APOBEC3F: variants seen among roughly 807,000 people sequenced by gnomAD.
APOBEC3F encodes DNA dC->dU-editing enzyme APOBEC-3F.
In APOBEC3F, 34 loss-of-function variants were observed where a neutral mutation model predicts 45.8. The ratio of observed to expected loss-of-function variants is 0.74; its 90% CI spans 0.57 to 0.99. The LOEUF is 0.99. Ranked by LOEUF, APOBEC3F falls within the 50% of genes least tolerant of loss-of-function variation. The probability of loss-of-function intolerance (pLI) is 0.00; values close to 1 mark genes in which losing one functional copy is unlikely to be tolerated. For synonymous variants in APOBEC3F, 192 were observed against 174.4 expected, an observed-to-expected ratio of 1.10 and a Z score of -0.80; for missense variants, 459 against 474.1, an observed-to-expected ratio of 0.97 and a Z score of 0.30.
rs1314130575 is a variant in APOBEC3F, at chr22:39,040,950, G to A, written c.-11G>A. 1.9e-6 allele frequency: 3 copies of A among 1,576,952 alleles called. No homozygotes were observed. Among genetic ancestry groups the A allele is most frequent in the East Asian group, 4.6e-5 (2 of 43,354 alleles). ...CAGACAAAGATCTTAGTCGGGACTA[G>A]CCGGCCAAGGATGAAGCCTCACTTC... is the stretch of plus-strand genomic sequence containing the variant. On this transcript the variant is annotated 5_prime_UTR_variant, in exon 1 of 7. Transcript: ENST00000308521.
In APOBEC3F at chr22:39,044,949, C is replaced by A; in HGVS notation, c.180C>A (p.Ser60=). The A allele has an allele frequency of 6.2e-7, 1 of 1,613,980 alleles. No homozygotes were observed. The highest frequency in any genetic ancestry group is 8.5e-7 in the Non-Finnish European group (1 of 1,179,936). Residue 60 remains serine (S), a synonymous_variant, in exon 3 of 7, where the codon TCC becomes TCA. Transcript: ENST00000308521. ...DAKIFRGQVY[S]QPEHHAEMCF... ...CCCTGCTCCTCTCCCAGGTGTATTC[C>A]CAGCCTGAGCACCACGCAGAAATGT...
At chr22:39,047,244 C>T (rs1216646697) in intron 4 of APOBEC3F, among the ~76,000 whole-genome samples, 2 of 152,120 alleles carry the variant, frequency 1.3e-5, no homozygotes, top group East Asian at 1.9e-4. Flanking sequence ...CCTCACTCTC[C>T]CTCCCTACCA....
At chr22:39,049,891 CG>C (rs1415534304) in intron 5 of APOBEC3F, among the ~76,000 whole-genome samples, 2 of 151,586 alleles carry the variant, frequency 1.3e-5, no homozygotes, top group Non-Finnish European at 2.9e-5. Flanking sequence ...TTAGTAGAGA[CG>C]GGGTTTCACC....
At chr22:39,043,597 A>G (rs1386407060) in intron 2 of APOBEC3F, among the ~76,000 whole-genome samples, 1 of 150,926 alleles carries the variant, frequency 6.6e-6, no homozygotes, top group African/African-American at 2.4e-5. Flanking sequence ...GGTGTGAGCC[A>G]CAGCGCCGGC....
At chr22:39,042,556 C>A (rs953385080) in intron 1 of APOBEC3F, among the ~76,000 whole-genome samples, 16 of 152,142 alleles carry the variant, frequency 1.1e-4, no homozygotes, top group Non-Finnish European at 2.1e-4. Context: ...AAGTGATGGG[C>A]CTACCTCGGC....
Position 39,052,803 on chromosome 22 carries a change from C to T in APOBEC3F, c.*108C>T. On this transcript the variant is annotated 3_prime_UTR_variant, in exon 7 of 7. Coordinates refer to ENST00000308521, the MANE Select transcript of APOBEC3F (RefSeq NM_145298.6). ...GTGCTTTTGCCTGGTCATCCTGAGC[C>T]CCTCCTGGCCTCAGGGCCATTCCAT... 9 of 1,513,798 alleles carry T rather than the reference C, an allele frequency of 5.9e-6. No homozygotes were observed. In the South Asian group the frequency reaches 1.1e-4, roughly 18 times the overall value. 93.8% of individuals were successfully genotyped at this position (1,513,798 alleles called of 1,614,324 possible).
intron 5 of APOBEC3F, 151 bp from the exon 6 acceptor site, chr22:39,051,923 C>T: frequency 2.4e-6 from 3 of 1,244,994 alleles, no homozygotes; most frequent in Non-Finnish European, 3.4e-6. Context: ...CCACTGCACC[C>T]CAGCCTGGGC....
intron 5 of APOBEC3F, among the ~76,000 whole-genome samples, chr22:39,050,443 G>A (rs1426788592): frequency 1.3e-4 from 18 of 141,004 alleles, no homozygotes; most frequent in Admixed American, 5.0e-4. Context: ...GGAGGGAGCC[G>A]TCTGTGTGCT....
At chr22:39,047,216 G>C (rs1157664801) in intron 4 of APOBEC3F, among the ~76,000 whole-genome samples, 3 of 152,122 alleles carry the variant, frequency 2.0e-5, no homozygotes, top group Non-Finnish European at 4.4e-5. Flanking sequence ...GAAGGCAAGG[G>C]GGAAGCAGAC....
intron 1 of APOBEC3F, among the ~76,000 whole-genome samples, chr22:39,041,498 G>A (rs1926889975): frequency 6.6e-6 from 1 of 152,102 alleles, no homozygotes; most frequent in Non-Finnish European, 1.5e-5. Context: ...GGCAGAGGAG[G>A]ATGCAGATGA....
At chr22:39,044,854 G>A (rs952699059) in intron 2 of APOBEC3F, 87 bp from the exon 3 acceptor site, 1 of 1,271,602 alleles carries the variant, frequency 7.9e-7, no homozygotes, top group Admixed American at 2.4e-5. Context: ...CTGGGCTCCT[G>A]TCCTGGCCCC....
chr22:39,048,899 C>G (rs1210356394), intron 4 of APOBEC3F, among the ~76,000 whole-genome samples: 1 of 152,050 alleles, frequency 6.6e-6, no homozygotes, highest in African/African-American at 2.4e-5. Context: ...GCAGGAGAAT[C>G]ACTTCAACCC....
chr22:39,052,865 C>A lies in APOBEC3F; in HGVS notation c.*170C>A. On this transcript the variant is annotated 3_prime_UTR_variant, in exon 7 of 7. Coordinates refer to ENST00000308521, the MANE Select transcript of APOBEC3F (RefSeq NM_145298.6). ...GCCTCACCACCTCCTCTCCGCTCTC[C>A]CAGGCTCTTCCTGCAGAGGCCTCTT... The A allele has an allele frequency of 7.1e-7, 1 of 1,404,542 alleles. No individual in the cohort carries two copies. Among genetic ancestry groups the A allele is most frequent in the Non-Finnish European group, 9.3e-7 (1 of 1,079,552 alleles). 87.0% of individuals were successfully genotyped at this position (1,404,542 alleles called of 1,614,324 possible).
At chr22:39,049,308 C>T (rs1927368355) in intron 4 of APOBEC3F, 117 bp from the exon 5 acceptor site, 1 of 1,260,956 alleles carries the variant, frequency 7.9e-7, no homozygotes, top group Admixed American at 2.2e-5. Flanking sequence ...CCCAGTCTTT[C>T]TGCCTGGGAA....
rs1927180337 is a variant in APOBEC3F, at chr22:39,045,636, C to G, written c.566+94C>G. 4 of 1,583,600 alleles carry G rather than the reference C, an allele frequency of 2.5e-6. No individual in the cohort carries two copies. In the South Asian group the frequency reaches 4.6e-5, roughly 18 times the overall value. The stretch of plus-strand genomic sequence containing the variant: ...CTGGCCAGGCCCTCCTGCCCTCCGT[C>G]CTGCCCCCTGCCTGCCCTCATGGTT... On this transcript the variant is annotated intron_variant, in intron 4 of 6. Transcript: ENST00000308521.
intron 4 of APOBEC3F, among the ~76,000 whole-genome samples, chr22:39,047,391 C>G (rs917384572): frequency 2.6e-5 from 4 of 152,120 alleles, no homozygotes; most frequent in African/African-American, 9.7e-5. Context: ...TGAGGTCACT[C>G]ACAGCGCAGG....
In APOBEC3F at chr22:39,045,521, G is replaced by T. The variant is rs371538178; in HGVS notation, c.545G>T (p.Arg182Leu). The change falls in exon 4 of 7, where the codon CGC becomes CTC. Residue 182 changes from arginine to leucine, a missense_variant. Coordinates refer to ENST00000308521, the MANE Select transcript of APOBEC3F (RefSeq NM_145298.6). ...KFDDNYAFLH[R>L]TLKEILRNPM... ...GATGACAATTATGCATTCCTGCACC[G>T]CACGCTAAAGGAGATTCTCAGGTGA... 2 of 1,614,112 alleles carry T rather than the reference G, an allele frequency of 1.2e-6. No homozygotes were observed. The highest frequency in any genetic ancestry group is 1.3e-5 in the African/African-American group (1 of 75,012).
At chr22:39,044,781 A>G (rs1341528017) in intron 2 of APOBEC3F, among the ~76,000 whole-genome samples, 160 bp from the exon 3 acceptor site, 1 of 151,924 alleles carries the variant, frequency 6.6e-6, no homozygotes, top group East Asian at 1.9e-4. Context: ...TGAGCTTTGG[A>G]GCAGACAATC....
In APOBEC3F at chr22:39,044,181, C is replaced by A. The variant is rs147313163; in HGVS notation, c.172-760C>A. 22 of 1,606,782 alleles carry A rather than the reference C, an allele frequency of 1.4e-5. No individual in the cohort carries two copies. In the African/African-American group the frequency reaches 2.1e-4, roughly 16 times the overall value. ...GGACAGCGCAGGTCCAGTGGCCTCC[C>A]CAGCTGACCGCAGGCAGGGAACAAG... On this transcript the variant is annotated intron_variant, in intron 2 of 6. Coordinates refer to ENST00000308521, the MANE Select transcript of APOBEC3F (RefSeq NM_145298.6).
Sources: gnomAD v4.1 joint callset for allele counts (sites outside exome capture counted in the v4.1 genomes callset) on GRCh38, gnomAD v4.1.1 for gene constraint, MANE v1.5 for transcripts, NCBI Gene and HGNC (gene_info 2026-07-23, HGNC 2026-07-21) for gene names.